Variants in TMEM71 observed in about 807,000 individuals in gnomAD.
The protein encoded by TMEM71 is transmembrane protein 71.
Under a neutral mutation model 38.0 loss-of-function variants are expected in TMEM71, and 44 were observed. The observed-to-expected ratio is 1.16, with a 90% CI of 0.91 to 1.49. The LOEUF is 1.49. TMEM71 is among the 40% of genes most tolerant of loss of function. The probability of loss-of-function intolerance (pLI) is 0.00; values close to 1 mark genes in which losing one functional copy is unlikely to be tolerated. For synonymous variants in TMEM71, 133 were observed against 122.5 expected, an observed-to-expected ratio of 1.09 and a Z score of -0.56; for missense variants, 367 against 348.6, an observed-to-expected ratio of 1.05 and a Z score of -0.42.
chr8:132,741,387 C>A (rs895804975), intron 5 of TMEM71, among the ~76,000 whole-genome samples: 2 of 152,130 alleles, frequency 1.3e-5, no homozygotes, highest in Non-Finnish European at 2.9e-5. Context: ...AGACACAAGA[C>A]AAAGAGATAA....
chr8:132,711,266 T>G (rs1826219705), intron 9 of TMEM71, among the ~76,000 whole-genome samples: 1 of 152,212 alleles, frequency 6.6e-6, no homozygotes, highest in African/African-American at 2.4e-5. Flanking sequence ...TAATATTTCC[T>G]ATGGTTTCCT....
chr8:132,723,946 G>A (rs1195687070), intron 6 of TMEM71, among the ~76,000 whole-genome samples: 9 of 152,242 alleles, frequency 5.9e-5, no homozygotes, highest in Middle Eastern at 3.4e-3. Flanking sequence ...CTGGGCTGCC[G>A]GGGGTGACAT....
chr8:132,719,238 T>C (rs1336359957), intron 7 of TMEM71, among the ~76,000 whole-genome samples: 1 of 152,228 alleles, frequency 6.6e-6, no homozygotes, highest in Non-Finnish European at 1.5e-5. Flanking sequence ...TGATTTGTCT[T>C]GCCTTTTCTT....
chr8:132,753,666 C>G (rs1182960214), intron 3 of TMEM71, among the ~76,000 whole-genome samples: 1 of 152,120 alleles, frequency 6.6e-6, no homozygotes, highest in Admixed American at 6.5e-5. Context: ...TGAAGTCAAT[C>G]CCCCTCTAAG....
At chr8:132,723,250 C>T (rs141374702) in intron 6 of TMEM71, among the ~76,000 whole-genome samples, 16 of 152,324 alleles carry the variant, frequency 1.1e-4, no homozygotes, top group Middle Eastern at 3.4e-3. Context: ...AACCATCCTT[C>T]TAAAGTGTGT....
rs113178295 is a variant in TMEM71, at chr8:132,713,995, C to T, written c.872G>A (p.Arg291Gln). 51 of 1,613,446 alleles carry T rather than the reference C, an allele frequency of 3.2e-5. No individual in the cohort carries two copies. Among genetic ancestry groups the T allele is most frequent in the African/African-American group, 8.0e-5 (6 of 74,862 alleles). Residue 291 changes from arginine to glutamine, a missense_variant and splice_region_variant, in exon 9 of 10, where the codon CGG (arginine) becomes CAG (glutamine). By Grantham distance (43) the Arg-to-Gln change is conservative. Coordinates refer to ENST00000677595, the MANE Select transcript of TMEM71 (RefSeq NM_001382403.1). ...TAATGATGACACAGGCAACACTTACCGAGCACAGGCAGTGGTTTTGAAATA... is the reference window on the plus strand; with the variant it reads ...TAATGATGACACAGGCAACACTTACTGAGCACAGGCAGTGGTTTTGAAATA... ...ASYFKTTACA[R>Q]FVKI is the part of the protein sequence containing the mutation.
At chr8:132,739,849 AT>A (rs1348647943) in intron 5 of TMEM71, among the ~76,000 whole-genome samples, 10 of 152,252 alleles carry the variant, frequency 6.6e-5, no homozygotes, top group Admixed American at 5.2e-4. Context: ...ACGTAGGCAA[AT>A]CTTGTTGAGT....
the TMEM71 span, among the ~76,000 whole-genome samples, chr8:132,766,901 C>G: frequency 6.6e-6 from 1 of 152,064 alleles, no homozygotes; most frequent in African/African-American, 2.4e-5. Flanking sequence ...ATAATAATCT[C>G]TACATCAATG....
the TMEM71 span, among the ~76,000 whole-genome samples, chr8:132,770,336 G>T: frequency 6.6e-6 from 1 of 152,284 alleles, no homozygotes; most frequent in South Asian, 2.1e-4. Context: ...CTCGAATTTT[G>T]CATTAAAGAA....
chr8:132,717,726 A>G (rs924265200), intron 7 of TMEM71, among the ~76,000 whole-genome samples: 2 of 152,352 alleles, frequency 1.3e-5, no homozygotes, highest in Middle Eastern at 3.4e-3. Context: ...CTATATGCCC[A>G]GAAACTCCAT....
At chr8:132,744,496 A>G (rs1353873213) in intron 5 of TMEM71, among the ~76,000 whole-genome samples, 2 of 152,226 alleles carry the variant, frequency 1.3e-5, no homozygotes, top group African/African-American at 4.8e-5. Context: ...GATCTCAACA[A>G]GAAGAACTAC....
the TMEM71 span, chr8:132,775,632 A>G: frequency 8.8e-6 from 3 of 340,528 alleles, no homozygotes. Flanking sequence ...CTGTGCAGAG[A>G]GGAGGCCGAG....
At chr8:132,714,093 G>C in intron 8 of TMEM71, 41 bp from the exon 9 acceptor site, 2 of 1,612,016 alleles carry the variant, frequency 1.2e-6, no homozygotes, top group Middle Eastern at 1.7e-4. Context: ...TCATTTTAAA[G>C]TGACCAAAAT....
upstream of TMEM71, among the ~76,000 whole-genome samples, chr8:132,761,310 T>TA (rs1489569371): frequency 2.0e-5 from 3 of 152,222 alleles, no homozygotes; most frequent in Non-Finnish European, 4.4e-5. Flanking sequence ...ATTTGTGACT[T>TA]ACCCCTCTGA....
At chr8:132,763,917 T>C (rs2433051), upstream of TMEM71, among the ~76,000 whole-genome samples, 63,089 of 152,072 alleles carry the variant, frequency 0.41, 13,247 homozygotes, top group Non-Finnish European at 0.44. Context: ...TTGACAAATT[T>C]AATTTTAACA....
At chr8:132,712,822 C>T (rs6471093) in intron 9 of TMEM71, among the ~76,000 whole-genome samples, 19,972 of 151,406 alleles carry the variant, frequency 0.13, 3,698 homozygotes, top group African/African-American at 0.42. Context: ...ATGTCATTAA[C>T]TCCTTTTTCT....
chr8:132,775,519 C>CGCTCCT, the TMEM71 span: 1 of 374,476 alleles, frequency 2.7e-6, no homozygotes, highest in African/African-American at 2.1e-5. Flanking sequence ...CAGCTCGCTC[C>CGCTCCT]GCTCCTGCTC....
Position 132,727,887 on chromosome 8 carries a change from T to C in TMEM71, c.587A>G (p.Gln196Arg). ...GCTATGGGAGTTTCCTCCAGGAGGC[T>C]GAGATATGATGTGGCTGGAAGAGGA... ...ITSSSSHIIS[Q>R]PPGGNSHSLS... Residue 196 changes from glutamine (Q) to arginine (R), a missense_variant, in exon 6 of 10, where the codon CAG becomes CGG. Physicochemically the swap from Gln to Arg is conservative, Grantham distance 43 (BLOSUM62 1). Coordinates refer to ENST00000677595, the MANE Select transcript of TMEM71 (RefSeq NM_001382403.1). The C allele has an allele frequency of 1.2e-6, 2 of 1,605,100 alleles. No homozygotes were observed. Among genetic ancestry groups the C allele is most frequent in the Non-Finnish European group, 1.7e-6 (2 of 1,171,776 alleles).
chr8:132,765,601 G>A (rs1829354066), upstream of TMEM71, among the ~76,000 whole-genome samples: 1 of 152,040 alleles, frequency 6.6e-6, no homozygotes, highest in Admixed American at 6.6e-5. Context: ...CTGACCAACT[G>A]TCTAGTGATT....
Sources: allele counts gnomAD v4.1 joint callset (sites outside exome capture counted in the v4.1 genomes callset), GRCh38; gene constraint gnomAD v4.1.1; transcripts MANE v1.5; gene names NCBI Gene and HGNC (gene_info 2026-07-23, HGNC 2026-07-21).